Variants in DZIP1 observed in about 807,000 individuals in gnomAD.
DZIP1 encodes cilium assembly protein DZIP1.
In DZIP1, 97 loss-of-function variants were observed where a neutral mutation model predicts 107.6. That is an observed-to-expected ratio of 0.90 (90% CI 0.77 to 1.07). The LOEUF (loss-of-function observed/expected upper bound fraction) is 1.07, where lower values mean the gene tolerates loss of function less well. Among genes scored for constraint, DZIP1 ranks in the 50% least tolerant of loss-of-function variants. The pLI, the probability that DZIP1 is intolerant of heterozygous loss-of-function variation, is 0.00. For missense variants in DZIP1, 1,035 were observed against 1,063.6 expected, an observed-to-expected ratio of 0.97 and a Z score of 0.37; for synonymous variants, 390 against 386.4, an observed-to-expected ratio of 1.01 and a Z score of -0.11.
chr13:95,590,108 G>A (rs574448894), intron 17 of DZIP1, among the ~76,000 whole-genome samples, 171 bp downstream of exon 17: 1 of 152,158 alleles, frequency 6.6e-6, no homozygotes. Flanking sequence ...CAAAATCCAA[G>A]ACCCAGCATT....
rs1594649588 is a variant in DZIP1, at chr13:95,590,573, G to A, written c.1681-132C>T. 6.0e-6 allele frequency: 5 copies of A among 837,986 alleles called. No individual in the cohort carries two copies. The East Asian group carries it at 1.4e-4, about 23-fold the overall frequency. The allele number at this position is 837,986 out of a possible 1,614,324, so 51.9% of individuals were successfully genotyped here. ...CCAGTTGTGTGTAGAGGGTAAGGGT[G>A]CCCCAACAAGTAACACACTGTCCCC... On this transcript the variant is annotated intron_variant, in intron 16 of 22. Transcript: ENST00000376829.
chr13:95,626,785 GAATAA>G (rs1395318803), intron 7 of DZIP1, among the ~76,000 whole-genome samples: 1 of 152,016 alleles, frequency 6.6e-6, no homozygotes, highest in Admixed American at 6.6e-5. Context: ...GCATCCCAAA[GAATAA>G]AATACCTAGA....
intron 8 of DZIP1, among the ~76,000 whole-genome samples, chr13:95,623,726 A>C (rs910929725): frequency 6.6e-6 from 1 of 152,190 alleles, no homozygotes; most frequent in African/African-American, 2.4e-5. Context: ...GGATCACTTG[A>C]GGCCAGGAGT....
intron 10 of DZIP1, among the ~76,000 whole-genome samples, chr13:95,617,284 C>A (rs1875227908): frequency 6.6e-6 from 1 of 152,036 alleles, no homozygotes; most frequent in Non-Finnish European, 1.5e-5. Context: ...CTCTAGCTGG[C>A]CTTGAAGTCA....
chr13:95,612,805 G>A (rs2045056363), intron 10 of DZIP1, among the ~76,000 whole-genome samples: 1 of 152,048 alleles, frequency 6.6e-6, no homozygotes, highest in Non-Finnish European at 1.5e-5. Context: ...GGCTGGTCTC[G>A]AAGTCCTGAA....
chr13:95,642,710 G>A (rs1007678194), intron 3 of DZIP1, among the ~76,000 whole-genome samples: 6 of 152,112 alleles, frequency 3.9e-5, no homozygotes, highest in Non-Finnish European at 5.9e-5. Context: ...CAAATTCACC[G>A]AATTGTGTCC....
At chr13:95,622,208 G>A in intron 9 of DZIP1, 135 bp downstream of exon 9, 3 of 1,102,648 alleles carry the variant, frequency 2.7e-6, no homozygotes, top group South Asian at 1.6e-5. Flanking sequence ...CATGCTGTAG[G>A]AGAAAAATAA....
chr13:95,618,731 CATATT>C (rs1875458536), intron 10 of DZIP1, among the ~76,000 whole-genome samples: 1 of 152,144 alleles, frequency 6.6e-6, no homozygotes, highest in Non-Finnish European at 1.5e-5. Flanking sequence ...TATACACATA[CATATT>C]ATATGATCTT....
intron 1 of DZIP1, among the ~76,000 whole-genome samples, chr13:95,643,904 G>A (rs1878808097): frequency 1.3e-5 from 2 of 152,160 alleles, no homozygotes; most frequent in African/African-American, 4.8e-5. Context: ...GGGGTGGCCC[G>A]CGCGCCCCCG....
chr13:95,634,798 A>G (rs916841338), intron 5 of DZIP1, among the ~76,000 whole-genome samples: 1 of 152,240 alleles, frequency 6.6e-6, no homozygotes, highest in Non-Finnish European at 1.5e-5. Context: ...AAAAACAAAT[A>G]TTCAACTATT....
chr13:95,613,423 G>A (rs1566396608), intron 10 of DZIP1, among the ~76,000 whole-genome samples: 2 of 152,060 alleles, frequency 1.3e-5, no homozygotes, highest in East Asian at 3.9e-4. Context: ...TGAGGCAGGA[G>A]AATTTTTGAA....
chr13:95,642,270 G>A (rs1419607243), intron 3 of DZIP1, 29 bp from the exon 4 acceptor site: 2 of 471,784 alleles, frequency 4.2e-6, no homozygotes, highest in South Asian at 9.1e-5. Flanking sequence ...CCTCTTGGAC[G>A]AGCCCGAGTG....
intron 10 of DZIP1, among the ~76,000 whole-genome samples, chr13:95,613,767 A>G (rs973032772): frequency 6.6e-6 from 1 of 152,206 alleles, no homozygotes; most frequent in African/African-American, 2.4e-5. Flanking sequence ...CATCGTACAG[A>G]TAGGAAAACT....
rs749537615 is a variant in DZIP1, at chr13:95,589,160, G to A, written c.2021C>T (p.Thr674Ile). 1 of 1,606,518 alleles carries A rather than the reference G, an allele frequency of 6.2e-7. No individual in the cohort carries two copies. Among genetic ancestry groups the A allele is most frequent in the East Asian group, 2.2e-5 (1 of 44,690 alleles). Reference protein sequence around the residue: ...MEDPFPRKSSTITTPPFSSEE... With the variant: ...MEDPFPRKSSIITTPPFSSEE... ...CATCCCTGTCAATACTCACGTAATAGTTGAAGACTTTCTGGGAAAAGGATC... is the reference window on the plus strand; with the variant it reads ...CATCCCTGTCAATACTCACGTAATAATTGAAGACTTTCTGGGAAAAGGATC... Residue 674 changes from threonine to isoleucine, a missense_variant, in exon 19 of 23, where the codon ACT becomes ATT. By Grantham distance (89) the Thr-to-Ile change is moderately conservative. Transcript: ENST00000376829.
At chr13:95,608,806 A>G (rs1176387097) in intron 13 of DZIP1, among the ~76,000 whole-genome samples, 1 of 152,180 alleles carries the variant, frequency 6.6e-6, no homozygotes, top group Non-Finnish European at 1.5e-5. Context: ...CCCTGGGCCC[A>G]TGAGCGTGGT....
intron 20 of DZIP1, 140 bp downstream of exon 20, chr13:95,587,399 T>G (rs1225306021): frequency 8.8e-7 from 1 of 1,139,094 alleles, no homozygotes; most frequent in East Asian, 2.4e-5. Context: ...CCCTGCCCAT[T>G]TTCCGTGGGT....
intron 14 of DZIP1, among the ~76,000 whole-genome samples, chr13:95,602,482 G>A (rs961037523): frequency 6.6e-6 from 1 of 152,198 alleles, no homozygotes; most frequent in Non-Finnish European, 1.5e-5. Flanking sequence ...CGTGGGGACA[G>A]GCTTCGTTTC....
At position 95,590,336 on chromosome 13, in the gene DZIP1, C is replaced by A; in HGVS notation, c.1786G>T (p.Glu596Ter). ...CAGCTGACTTGATGTTCAAGGAATT[C>A]TCGAATTTGATGAAAGTTAGGTATT... ...REIPNFHQIR[E>*]FLEHQVSCKI... Residue 596 changes from glutamate (E) to a stop codon, truncating the protein, a stop_gained, in exon 17 of 23, where the codon GAA (glutamate) becomes TAA (stop). Transcript: ENST00000376829. LOFTEE classifies it high-confidence loss of function. The A allele has an allele frequency of 6.2e-7, 1 of 1,613,956 alleles. No homozygotes were observed. Among genetic ancestry groups the A allele is most frequent in the Non-Finnish European group, 8.5e-7 (1 of 1,179,958 alleles).
chr13:95,619,932 C>T lies in DZIP1; in HGVS notation c.1126G>A (p.Ala376Thr). The T allele has an allele frequency of 6.2e-7, 1 of 1,613,836 alleles. No individual in the cohort carries two copies. Among genetic ancestry groups the T allele is most frequent in the Non-Finnish European group, 8.5e-7 (1 of 1,179,934 alleles). The change falls in exon 10 of 23, where the codon GCT (alanine) becomes ACT (threonine). Residue 376 changes from alanine to threonine, a missense_variant. Coordinates refer to ENST00000376829, the MANE Select transcript of DZIP1 (RefSeq NM_198968.4). ...TCTTGATGAATAGCTTGAACTCGAG[C>T]TGTCCATTTGCTTTCCTACAAAAGA... ...LLDSQESKWT[A>T]RVQAIHQEHK...
Sources: gnomAD v4.1 joint callset for allele counts (sites outside exome capture counted in the v4.1 genomes callset) on GRCh38, gnomAD v4.1.1 for gene constraint, MANE v1.5 for transcripts, NCBI Gene and HGNC (gene_info 2026-07-23, HGNC 2026-07-21) for gene names.